The following TLK1 variants were observed in gnomAD, a reference collection of about 807,000 sequenced individuals.
TLK1 encodes serine/threonine-protein kinase tousled-like 1.
Under a neutral mutation model 105.3 loss-of-function variants are expected in TLK1, and 24 were observed. That is an observed-to-expected ratio of 0.23 (90% CI 0.17 to 0.32). TLK1 has a LOEUF of 0.32. TLK1 is among the 10% of genes least tolerant of loss of function. The pLI, the probability that TLK1 is intolerant of heterozygous loss-of-function variation, is 1.00. For synonymous variants in TLK1, 321 were observed against 310.4 expected (o/e 1.03, Z -0.36); for missense variants, 558 against 910.5 (o/e 0.61, Z 4.98).
At chr2:171,170,821 A>G (rs1692713275) in intron 1 of TLK1, among the ~76,000 whole-genome samples, 1 of 152,244 alleles carries the variant, frequency 6.6e-6, no homozygotes, top group African/African-American at 2.4e-5. Flanking sequence ...CCAAATAGTC[A>G]AGAAATTTAA....
chr2:171,068,505 T>C (rs189547820), intron 3 of TLK1, among the ~76,000 whole-genome samples: 71 of 152,298 alleles, frequency 4.7e-4, no homozygotes, highest in African/African-American at 1.7e-3. Flanking sequence ...TATCATATCT[T>C]TATTAGCATT....
chr2:171,152,986 AT>A (rs1356806870), intron 1 of TLK1, among the ~76,000 whole-genome samples: 1 of 152,064 alleles, frequency 6.6e-6, no homozygotes, highest in Admixed American at 6.5e-5. Flanking sequence ...GGGTTTTTGT[AT>A]TTTTTTAAAT....
At chr2:171,094,214 A>C (rs1689357317) in intron 2 of TLK1, among the ~76,000 whole-genome samples, 1 of 152,218 alleles carries the variant, frequency 6.6e-6, no homozygotes. Flanking sequence ...AAATTCAGTA[A>C]AGAGTAGGGG....
At position 171,127,860 on chromosome 2, in the gene TLK1, C is replaced by A. The variant is rs79564599; in HGVS notation, c.140-10003G>T. 4.8e-3 allele frequency among the ~76,000 whole-genome samples: 730 copies of A among 152,160 alleles called. 5 individuals carry two copies. Among genetic ancestry groups the A allele is most frequent in the African/African-American group, 0.016 (678 of 41,494 alleles). On this transcript the variant is annotated intron_variant, in intron 1 of 20. Coordinates refer to ENST00000431350, the MANE Select transcript of TLK1 (RefSeq NM_012290.5). ...TCTGTTTCTGAGTCATATTATCTATCCATCTATCTACATATATAGATATAT... is the reference window on the plus strand; with the variant it reads ...TCTGTTTCTGAGTCATATTATCTATACATCTATCTACATATATAGATATAT...
intron 1 of TLK1, among the ~76,000 whole-genome samples, chr2:171,229,406 A>G (rs1339566408): frequency 6.6e-6 from 1 of 152,108 alleles, no homozygotes; most frequent in Non-Finnish European, 1.5e-5. Flanking sequence ...GCATTCACAT[A>G]TTCAACTCAA....
chr2:171,198,316 C>T (rs751389975), intron 1 of TLK1, among the ~76,000 whole-genome samples: 22 of 152,028 alleles, frequency 1.4e-4, no homozygotes, highest in African/African-American at 3.1e-4. Flanking sequence ...AATGTGTCAG[C>T]GCAATTAATT....
At position 171,217,285 on chromosome 2, in the gene TLK1, C is replaced by T. The variant is rs1380733056; in HGVS notation, c.-6+13860G>A. ...ATGATTATAATAAAAATGGGACAAA[C>T]GAACTTACAAATCAAGAGTAGACAG... On this transcript the variant is annotated intron_variant, in intron 1 of 20. Transcript: ENST00000521943. Among the ~76,000 whole-genome samples the T allele has an allele frequency of 4.6e-5, 7 of 152,258 alleles. 1 individual carries two copies. The South Asian group carries it at 8.3e-4, about 18-fold the overall frequency.
intron 1 of TLK1, among the ~76,000 whole-genome samples, chr2:171,138,454 A>G (rs908783573): frequency 2.0e-5 from 3 of 152,202 alleles, no homozygotes. Flanking sequence ...CAGCATTTGG[A>G]GGACAGTACG....
intron 1 of TLK1, among the ~76,000 whole-genome samples, chr2:171,179,921 C>G (rs1316666324): frequency 6.6e-6 from 1 of 151,944 alleles, no homozygotes; most frequent in Non-Finnish European, 1.5e-5. Flanking sequence ...TGGTGAAACC[C>G]CATTTCTACT....
intron 1 of TLK1, among the ~76,000 whole-genome samples, chr2:171,216,714 G>A (rs1047123248): frequency 6.6e-6 from 1 of 152,114 alleles, no homozygotes; most frequent in African/African-American, 2.4e-5. Flanking sequence ...GCTCATACTG[G>A]AGTACTGTGG....
chr2:171,223,350 G>T (rs558419996), intron 1 of TLK1, among the ~76,000 whole-genome samples: 2 of 152,248 alleles, frequency 1.3e-5, no homozygotes, highest in Non-Finnish European at 2.9e-5. Context: ...TTTAACTGGG[G>T]TGAGATGATA....
chr2:171,077,046 T>A (rs771398452), intron 3 of TLK1, among the ~76,000 whole-genome samples: 27 of 152,312 alleles, frequency 1.8e-4, no homozygotes, highest in Non-Finnish European at 3.5e-4. Context: ...CTCCTTCAGG[T>A]ATTCTAAAAA....
chr2:171,073,307 G>A (rs1688345868), intron 3 of TLK1, among the ~76,000 whole-genome samples: 1 of 152,112 alleles, frequency 6.6e-6, no homozygotes, highest in Non-Finnish European at 1.5e-5. Context: ...ATTTCTTGCT[G>A]TAACAAACAA....
intron 2 of TLK1, among the ~76,000 whole-genome samples, chr2:171,100,654 T>C (rs1178696027): frequency 4.6e-5 from 7 of 152,098 alleles, no homozygotes; most frequent in African/African-American, 1.7e-4. Flanking sequence ...ATACAGGCTA[T>C]AATTTAAAAA....
chr2:171,059,199 G>A (rs1359012868), intron 4 of TLK1, among the ~76,000 whole-genome samples: 1 of 152,066 alleles, frequency 6.6e-6, no homozygotes, highest in Non-Finnish European at 1.5e-5. Flanking sequence ...TATACTAAAG[G>A]GACTTCCCTT....
chr2:171,118,835 T>C (rs180684949), intron 1 of TLK1, among the ~76,000 whole-genome samples: 86 of 152,284 alleles, frequency 5.6e-4, no homozygotes, highest in African/African-American at 2.0e-3. Flanking sequence ...GGTTAACAAC[T>C]ACTCCTATAG....
intron 1 of TLK1, among the ~76,000 whole-genome samples, chr2:171,222,540 C>T (rs1178690664): frequency 6.6e-6 from 1 of 152,050 alleles, no homozygotes; most frequent in East Asian, 1.9e-4. Flanking sequence ...CCATGTTGCT[C>T]AGGCTAGTCT....
intron 1 of TLK1, among the ~76,000 whole-genome samples, chr2:171,134,824 A>AGGT (rs1691242522): frequency 7.2e-6 from 1 of 139,378 alleles, no homozygotes; most frequent in Non-Finnish European, 1.5e-5. Context: ...GGGGTGCTTG[A>AGGT]GGTGGAGCTC....
At chr2:171,062,914 T>C (rs923143704) in intron 3 of TLK1, among the ~76,000 whole-genome samples, 3 of 152,234 alleles carry the variant, frequency 2.0e-5, no homozygotes, top group Admixed American at 6.5e-5. Flanking sequence ...GGTAGACTGA[T>C]GTACCAGCAA....
Sources: gnomAD v4.1 joint callset for allele counts (sites outside exome capture counted in the v4.1 genomes callset) on GRCh38, gnomAD v4.1.1 for gene constraint, MANE v1.5 for transcripts, NCBI Gene and HGNC (gene_info 2026-07-23, HGNC 2026-07-21) for gene names.